FBXO11: variants seen among roughly 807,000 people sequenced by gnomAD.
FBXO11 encodes F-box only protein 11.
In FBXO11, 13 loss-of-function variants were observed where a neutral mutation model predicts 117.0. The ratio of observed to expected loss-of-function variants is 0.11; its 90% CI spans 0.07 to 0.18. FBXO11 has a LOEUF of 0.18. Among genes scored for constraint, FBXO11 ranks in the 10% least tolerant of loss-of-function variants. FBXO11 has a pLI of 1.00. For synonymous variants in FBXO11, 490 were observed against 380.5 expected, an observed-to-expected ratio of 1.29 and a Z score of -3.35; for missense variants, 767 against 1,164.4, an observed-to-expected ratio of 0.66 and a Z score of 4.97.
intron 13 of FBXO11, among the ~76,000 whole-genome samples, chr2:47,821,057 A>G (rs552607691): frequency 1.3e-5 from 2 of 152,388 alleles, no homozygotes; most frequent in South Asian, 4.1e-4. Context: ...ACAATTAACT[A>G]TTAAAAAACA....
At chr2:47,834,735 T>G (rs1194677309) in intron 6 of FBXO11, 24 bp from the exon 7 acceptor site, 5 of 1,610,470 alleles carry the variant, frequency 3.1e-6, no homozygotes, top group Admixed American at 1.7e-5. Flanking sequence ...AATGTGTCAG[T>G]ACAGAACTGA....
At chr2:47,889,609 G>A (rs1204094914) in intron 1 of FBXO11, among the ~76,000 whole-genome samples, 1 of 146,498 alleles carries the variant, frequency 6.8e-6, no homozygotes, top group Non-Finnish European at 1.5e-5. Flanking sequence ...ATTCTTCTTA[G>A]AAATCCTCTT....
At chr2:47,873,124 G>C (rs1572883470) in intron 1 of FBXO11, among the ~76,000 whole-genome samples, 4 of 152,300 alleles carry the variant, frequency 2.6e-5, no homozygotes, top group African/African-American at 9.6e-5. Flanking sequence ...GGTTTTCCCA[G>C]AAAGTACTCT....
At chr2:47,839,993 G>C (rs778445660) in intron 1 of FBXO11, among the ~76,000 whole-genome samples, 3 of 151,950 alleles carry the variant, frequency 2.0e-5, no homozygotes, top group African/African-American at 4.8e-5. Context: ...GCCCAGGCTG[G>C]AGTGCAGTGG....
chr2:47,865,307 C>A (rs1558455214), intron 1 of FBXO11, among the ~76,000 whole-genome samples: 1 of 152,218 alleles, frequency 6.6e-6, no homozygotes, highest in Non-Finnish European at 1.5e-5. Context: ...AGTTGGCCAT[C>A]TGACTAGGTT....
intron 1 of FBXO11, among the ~76,000 whole-genome samples, chr2:47,881,586 G>A (rs955447727): frequency 3.9e-5 from 6 of 151,956 alleles, no homozygotes; most frequent in African/African-American, 1.5e-4. Context: ...TGCTGAATAT[G>A]TTTATATTTC....
chr2:47,839,130 T>G, intron 3 of FBXO11, 127 bp from the exon 4 acceptor site: 2 of 898,032 alleles, frequency 2.2e-6, no homozygotes, highest in Non-Finnish European at 3.3e-6. Flanking sequence ...TATAAGCATG[T>G]GGGTTTCATG....
At chr2:47,808,280 G>T in intron 22 of FBXO11, 33 bp from the exon 23 acceptor site, 1 of 1,612,706 alleles carries the variant, frequency 6.2e-7, no homozygotes, top group Non-Finnish European at 8.5e-7. Context: ...TATTAGAAAA[G>T]TGAGGGGGAA....
At chr2:47,842,536 A>C (rs1673094231) in intron 1 of FBXO11, among the ~76,000 whole-genome samples, 1 of 152,154 alleles carries the variant, frequency 6.6e-6, no homozygotes, top group Non-Finnish European at 1.5e-5. Context: ...AAAAGTAGAG[A>C]TTTCCAGTCA....
At chr2:47,852,297 A>G (rs1305221570) in intron 1 of FBXO11, among the ~76,000 whole-genome samples, 3 of 152,074 alleles carry the variant, frequency 2.0e-5, no homozygotes, top group Non-Finnish European at 4.4e-5. Context: ...GCCAGCAACC[A>G]TTTTATTGAA....
intron 1 of FBXO11, among the ~76,000 whole-genome samples, chr2:47,872,074 T>C (rs1256912327): frequency 3.9e-5 from 6 of 152,226 alleles, no homozygotes; most frequent in Admixed American, 1.3e-4. Context: ...TCCGGCACCA[T>C]TTCTGCTGCT....
chr2:47,877,691 T>C (rs1676110615), intron 1 of FBXO11, among the ~76,000 whole-genome samples: 1 of 152,144 alleles, frequency 6.6e-6, no homozygotes, highest in African/African-American at 2.4e-5. Flanking sequence ...CGTTTCGTTT[T>C]GTTTTGTTTT....
At chr2:47,877,725 C>T (rs1453134350) in intron 1 of FBXO11, among the ~76,000 whole-genome samples, 1 of 152,162 alleles carries the variant, frequency 6.6e-6, no homozygotes, top group Admixed American at 6.6e-5. Flanking sequence ...CGCTTTGTCG[C>T]CCAGGCTGGA....
intron 1 of FBXO11, 99 bp downstream of exon 1, chr2:47,905,390 C>A (rs1486962407): frequency 1.4e-5 from 15 of 1,070,310 alleles, no homozygotes; most frequent in Admixed American, 5.0e-5. Context: ...ACCCCCAGGG[C>A]GCGCAGGCCG....
intron 1 of FBXO11, among the ~76,000 whole-genome samples, chr2:47,854,858 T>G (rs1476211027): frequency 7.9e-5 from 3 of 37,840 alleles, no homozygotes; most frequent in Non-Finnish European, 2.3e-4. Context: ...TCTGTTTTTT[T>G]TTTTGTTTTT....
In FBXO11 at chr2:47,808,317, T is replaced by C. The variant is rs370468658; in HGVS notation, c.2654+12A>G. On this transcript the variant is annotated intron_variant, in intron 22 of 22. Coordinates refer to ENST00000403359, the MANE Select transcript of FBXO11 (RefSeq NM_001190274.2). ...GTAATTGGGTAATATATCAAGCAAG[T>C]GTGCTACATACCTATCATGTCTAAT... The C allele has an allele frequency of 9.7e-5, 156 of 1,612,340 alleles. No individual in the cohort carries two copies. Among genetic ancestry groups the C allele is most frequent in the Non-Finnish European group, 1.1e-4 (131 of 1,179,304 alleles).
At chr2:47,896,834 ATTTCC>A (rs1323201145) in intron 1 of FBXO11, among the ~76,000 whole-genome samples, 6 of 152,180 alleles carry the variant, frequency 3.9e-5, no homozygotes, top group Non-Finnish European at 8.8e-5. Context: ...TGAGTCTATA[ATTTCC>A]TTTACCATAA....
At position 47,901,862 on chromosome 2, in the gene FBXO11, A is replaced by G. The variant is rs1231798431; in HGVS notation, c.232+3627T>C. Among the ~76,000 whole-genome samples, 3 of 152,230 alleles carry G rather than the reference A, an allele frequency of 2.0e-5. 1 individual carries two copies. The highest frequency in any genetic ancestry group is 1.3e-4 in the Admixed American group (2 of 15,284). ...CTTCTAGAATTTTAAAACAAAACAA[A>G]TATCAAAAATCCAATCCCACACTAC... is the stretch of plus-strand genomic sequence containing the variant. On this transcript the variant is annotated intron_variant, in intron 1 of 22. Coordinates refer to ENST00000403359, the MANE Select transcript of FBXO11 (RefSeq NM_001190274.2).
chr2:47,904,213 C>A (rs1193339345), intron 1 of FBXO11, among the ~76,000 whole-genome samples: 1 of 152,104 alleles, frequency 6.6e-6, no homozygotes, highest in Non-Finnish European at 1.5e-5. Context: ...TGACAACAAA[C>A]GCATGTAAAA....
Sources: gnomAD v4.1 joint callset for allele counts (sites outside exome capture counted in the v4.1 genomes callset) on GRCh38, gnomAD v4.1.1 for gene constraint, MANE v1.5 for transcripts, NCBI Gene and HGNC (gene_info 2026-07-23, HGNC 2026-07-21) for gene names.